The following TAF3 variants were observed in gnomAD, a reference collection of about 807,000 sequenced individuals.
TAF3 encodes the protein TATA-box binding protein associated factor 3, also known as transcription initiation factor TFIID subunit 3.
A neutral mutation model predicts 80.6 loss-of-function variants in TAF3; 7 were observed. The ratio of observed to expected loss-of-function variants is 0.09; its 90% CI spans 0.05 to 0.16. The LOEUF is 0.16. TAF3 is among the 10% of genes least tolerant of loss of function. The probability of loss-of-function intolerance (pLI) is 1.00; values close to 1 mark genes in which losing one functional copy is unlikely to be tolerated. For missense variants in TAF3, 921 were observed against 1,140.2 expected (o/e 0.81, Z 2.77); for synonymous variants, 444 against 446.1 (o/e 1.00, Z 0.06).
chr10:7,818,619 C>T lies in TAF3; in HGVS notation c.-91C>T, dbSNP rs1475017010. On this transcript the variant is annotated 5_prime_UTR_variant, in exon 1 of 7. Transcript: ENST00000344293. ...GGGACCCTTTCCCCGCCGCGGAAGC[C>T]CTAGAGGATGAATCGGGGACCCTGC... is the stretch of plus-strand genomic sequence containing the variant. 1.4e-6 allele frequency: 2 copies of T among 1,426,574 alleles called. No homozygotes were observed. Among genetic ancestry groups the T allele is most frequent in the East Asian group, 5.4e-5 (2 of 37,296 alleles). The allele number at this position is 1,426,574 out of a possible 1,614,324, so 88.4% of individuals were successfully genotyped here.
intron 2 of TAF3, among the ~76,000 whole-genome samples, chr10:7,927,072 T>C (rs1420888579): frequency 6.6e-6 from 1 of 152,178 alleles, no homozygotes; most frequent in Non-Finnish European, 1.5e-5. Flanking sequence ...AGGTGACTTA[T>C]CAAATGATAA....
chr10:7,899,558 A>G (rs1311623586), intron 2 of TAF3, among the ~76,000 whole-genome samples: 1 of 152,158 alleles, frequency 6.6e-6, no homozygotes, highest in East Asian at 1.9e-4. Context: ...TTCTATTTAT[A>G]TTCCATGTGC....
intron 2 of TAF3, among the ~76,000 whole-genome samples, chr10:7,888,400 G>A (rs1288050650): frequency 6.6e-6 from 1 of 152,038 alleles, no homozygotes; most frequent in Non-Finnish European, 1.5e-5. Context: ...TAAAAAAAAA[G>A]TTTCTTGAAT....
At chr10:7,920,930 C>G (rs1837756985) in intron 2 of TAF3, among the ~76,000 whole-genome samples, 1 of 152,110 alleles carries the variant, frequency 6.6e-6, no homozygotes. Flanking sequence ...TCCATTTGAA[C>G]CTAGCTTTAA....
intron 4 of TAF3, among the ~76,000 whole-genome samples, chr10:7,980,112 G>T (rs1003142966): frequency 9.9e-5 from 15 of 152,090 alleles, no homozygotes; most frequent in South Asian, 8.3e-4. Flanking sequence ...ACACACCTTG[G>T]GGGGGAATAA....
At chr10:7,819,287 C>G (rs543896977) in intron 1 of TAF3, among the ~76,000 whole-genome samples, 4 of 152,118 alleles carry the variant, frequency 2.6e-5, no homozygotes, top group Non-Finnish European at 5.9e-5. Flanking sequence ...ACAGGCGCTC[C>G]GTCTACCGGC....
chr10:7,906,427 T>C (rs1441990575), intron 2 of TAF3, among the ~76,000 whole-genome samples: 1 of 152,194 alleles, frequency 6.6e-6, no homozygotes, highest in East Asian at 1.9e-4. Flanking sequence ...AAAAACCTGC[T>C]GCTGCATTGG....
At chr10:8,013,357 AGTT>A (rs1420327659) in intron 5 of TAF3, among the ~76,000 whole-genome samples, 1 of 152,178 alleles carries the variant, frequency 6.6e-6, no homozygotes. Flanking sequence ...TCAAAAAATC[AGTT>A]GTTACCACCC....
intron 2 of TAF3, among the ~76,000 whole-genome samples, chr10:7,849,657 T>TG (rs763588042): frequency 5.9e-5 from 9 of 152,014 alleles, no homozygotes; most frequent in East Asian, 1.9e-4. Context: ...TAACAACTAT[T>TG]GGGGGGGTTC....
intron 1 of TAF3, among the ~76,000 whole-genome samples, chr10:7,822,243 TAAAA>T (rs5783000): frequency 2.9e-5 from 4 of 136,740 alleles, no homozygotes; most frequent in Admixed American, 7.3e-5. Flanking sequence ...AAATCATGGT[TAAAA>T]AAAAAAAAAA....
intron 2 of TAF3, among the ~76,000 whole-genome samples, chr10:7,920,299 CGTGTGTGTGTGT>C (rs60287426): frequency 6.9e-5 from 7 of 101,280 alleles, no homozygotes; most frequent in Non-Finnish European, 1.3e-4. Flanking sequence ...TTTAAACATA[CGTGTGTGTGTGT>C]GTGTGTGTGT....
At chr10:7,991,141 G>A (rs1298046579) in intron 4 of TAF3, among the ~76,000 whole-genome samples, 2 of 151,786 alleles carry the variant, frequency 1.3e-5, no homozygotes, top group Non-Finnish European at 2.9e-5. Context: ...AGAAAATTTT[G>A]GAAACTTTCT....
intron 2 of TAF3, among the ~76,000 whole-genome samples, chr10:7,829,598 G>C (rs570963256): frequency 6.6e-6 from 1 of 152,298 alleles, no homozygotes; most frequent in East Asian, 1.9e-4. Flanking sequence ...ATCTTGGGGA[G>C]AAAGACCACA....
At chr10:7,943,673 A>T (rs1837997241) in intron 2 of TAF3, among the ~76,000 whole-genome samples, 1 of 152,194 alleles carries the variant, frequency 6.6e-6, no homozygotes, top group Admixed American at 6.5e-5. Flanking sequence ...TAAATGCATC[A>T]TTTGTGCCTC....
chr10:7,858,913 G>A (rs1012011967), intron 2 of TAF3, among the ~76,000 whole-genome samples: 5 of 152,050 alleles, frequency 3.3e-5, no homozygotes, highest in Non-Finnish European at 7.4e-5. Context: ...CATTACTGCT[G>A]GCCTCTTCAG....
intron 2 of TAF3, among the ~76,000 whole-genome samples, chr10:7,832,185 TATCCCCAC>T (rs973128549): frequency 6.6e-6 from 1 of 152,170 alleles, no homozygotes; most frequent in Non-Finnish European, 1.5e-5. Flanking sequence ...ATCATCTCTG[TATCCCCAC>T]ATCCCCACAT....
chr10:7,942,460 A>G (rs1350464349), intron 2 of TAF3, among the ~76,000 whole-genome samples: 2 of 152,212 alleles, frequency 1.3e-5, no homozygotes, highest in African/African-American at 2.4e-5. Flanking sequence ...GTATGTTTAT[A>G]TGACGTTGCT....
intron 2 of TAF3, among the ~76,000 whole-genome samples, chr10:7,881,558 G>A (rs373541840): frequency 2.3e-4 from 35 of 151,552 alleles, no homozygotes; most frequent in African/African-American, 7.5e-4. Context: ...AAGCTGGAAC[G>A]TAATAAGTTT....
At position 8,011,915 on chromosome 10, in the gene TAF3, C is replaced by T. The variant is rs139296768; in HGVS notation, c.2569-1816C>T. On this transcript the variant is annotated intron_variant, in intron 5 of 6. Coordinates refer to ENST00000344293, the MANE Select transcript of TAF3 (RefSeq NM_031923.4). ...CTTACTGGCTGTGCATGGTGTCTCA[C>T]GCCTATAATCCCAGCACTTTGGGAG... Among the ~76,000 whole-genome samples the T allele has an allele frequency of 3.0e-3, 457 of 152,304 alleles. 2 individuals are homozygous for T. The highest frequency in any genetic ancestry group is 4.7e-3 in the Non-Finnish European group (322 of 68,024).
Sources: gnomAD v4.1 joint callset for allele counts (sites outside exome capture counted in the v4.1 genomes callset) on GRCh38, gnomAD v4.1.1 for gene constraint, MANE v1.5 for transcripts, NCBI Gene and HGNC (gene_info 2026-07-23, HGNC 2026-07-21) for gene names.